Variants in ATP8A2 observed in about 807,000 individuals in gnomAD.
ATP8A2 encodes ATPase phospholipid transporting 8A2.
Under a neutral mutation model 165.6 loss-of-function variants are expected in ATP8A2, and 100 were observed. The ratio of observed to expected loss-of-function variants is 0.60; its 90% CI spans 0.51 to 0.71. ATP8A2 has a LOEUF of 0.71. ATP8A2 is among the 30% of genes least tolerant of loss of function. ATP8A2 has a pLI of 0.00. For missense variants in ATP8A2, 1,227 were observed against 1,479.5 expected, an observed-to-expected ratio of 0.83 and a Z score of 2.80; for synonymous variants, 543 against 548.8, an observed-to-expected ratio of 0.99 and a Z score of 0.15.
chr13:25,915,176 T>G (rs891877564), intron 33 of ATP8A2, among the ~76,000 whole-genome samples: 4 of 152,232 alleles, frequency 2.6e-5, no homozygotes, highest in Non-Finnish European at 5.9e-5. Context: ...GTGAAATTCT[T>G]CTTTATAGAA....
chr13:25,426,615 A>G (rs986106687), intron 1 of ATP8A2, among the ~76,000 whole-genome samples: 1 of 152,172 alleles, frequency 6.6e-6, no homozygotes, highest in African/African-American at 2.4e-5. Flanking sequence ...TACAACACAG[A>G]GTGAACCCTA....
chr13:25,768,853 C>T (rs2138287546), intron 25 of ATP8A2, among the ~76,000 whole-genome samples, 193 bp from the exon 26 acceptor site: 1 of 152,318 alleles, frequency 6.6e-6, no homozygotes, highest in East Asian at 1.9e-4. Context: ...TATATTTCAT[C>T]TGAGAAGTTG....
At chr13:25,540,437 A>G (rs755397779) in intron 8 of ATP8A2, 49 bp downstream of exon 8, 4 of 1,284,056 alleles carry the variant, frequency 3.1e-6, no homozygotes, top group Non-Finnish European at 4.6e-6. Context: ...CACAACTGCA[A>G]ATGTGGTCCC....
chr13:25,527,176 G>T (rs1428891739), intron 2 of ATP8A2, among the ~76,000 whole-genome samples: 1 of 152,042 alleles, frequency 6.6e-6, no homozygotes, highest in African/African-American at 2.4e-5. Flanking sequence ...CCACCATTTT[G>T]GAACCAGAAA....
chr13:25,560,700 CAAAAAA>C (rs748751011), intron 15 of ATP8A2, among the ~76,000 whole-genome samples: 3 of 63,292 alleles, frequency 4.7e-5, no homozygotes, highest in Admixed American at 2.0e-4. Context: ...ACTCTTGTCT[CAAAAAA>C]AAAAAAAAAA....
chr13:25,421,847 A>T (rs1215819776), intron 1 of ATP8A2, among the ~76,000 whole-genome samples: 1 of 152,238 alleles, frequency 6.6e-6, no homozygotes, highest in East Asian at 1.9e-4. Context: ...GCCAAATTCC[A>T]CGGCTTGGCA....
chr13:25,882,762 A>T (rs1189530298), intron 33 of ATP8A2, among the ~76,000 whole-genome samples: 1 of 152,176 alleles, frequency 6.6e-6, no homozygotes, highest in Non-Finnish European at 1.5e-5. Context: ...AATTCTAAAG[A>T]GATGTCTGTT....
intron 24 of ATP8A2, among the ~76,000 whole-genome samples, chr13:25,598,510 C>T (rs924715110): frequency 1.3e-4 from 20 of 152,124 alleles, no homozygotes; most frequent in Non-Finnish European, 1.9e-4. Flanking sequence ...TTACTTAGGT[C>T]TTTAAAATTA....
At chr13:25,699,468 A>G (rs2042906385) in intron 25 of ATP8A2, 123 bp downstream of exon 25, 1 of 739,576 alleles carries the variant, frequency 1.4e-6, no homozygotes, top group Non-Finnish European at 2.0e-6. Context: ...AGGCAAAACA[A>G]AAATACAAAT....
chr13:26,020,007 T>C lies in ATP8A2; in HGVS notation c.*22T>C. On this transcript the variant is annotated 3_prime_UTR_variant, in exon 37 of 37. Coordinates refer to ENST00000381655, the MANE Select transcript of ATP8A2 (RefSeq NM_016529.6). ...ATAAGACATGAATTTTCCTGACTGA[T>C]CTTAGGAAAGAGATTCAGTTTGTTG... 1 of 1,532,598 alleles carries C rather than the reference T, an allele frequency of 6.5e-7. No individual in the cohort carries two copies. Among genetic ancestry groups the C allele is most frequent in the Non-Finnish European group, 9.0e-7 (1 of 1,105,788 alleles). The allele number at this position is 1,532,598 out of a possible 1,614,324, so 94.9% of individuals were successfully genotyped here.
intron 2 of ATP8A2, among the ~76,000 whole-genome samples, chr13:25,475,670 A>C (rs764998470): frequency 4.6e-5 from 7 of 152,300 alleles, no homozygotes; most frequent in Middle Eastern, 3.4e-3. Context: ...CTGCAACCTC[A>C]CCAGCGTATG....
chr13:25,484,581 C>T (rs1322182863), intron 2 of ATP8A2, among the ~76,000 whole-genome samples: 1 of 152,064 alleles, frequency 6.6e-6, no homozygotes, highest in Non-Finnish European at 1.5e-5. Context: ...GTGGCGTGAT[C>T]TTGGCTTACT....
chr13:25,477,463 A>G (rs1238297452), intron 2 of ATP8A2, among the ~76,000 whole-genome samples: 1 of 152,138 alleles, frequency 6.6e-6, no homozygotes, highest in Non-Finnish European at 1.5e-5. Context: ...CTGGAACAGA[A>G]AAGACATTGG....
At chr13:25,408,358 A>G (rs562673616) in intron 1 of ATP8A2, among the ~76,000 whole-genome samples, 42 of 150,814 alleles carry the variant, frequency 2.8e-4, no homozygotes, top group African/African-American at 1.0e-3. Flanking sequence ...GTGCCACTGC[A>G]CTCCAGCCTG....
At chr13:25,611,459 A>G (rs1022432469) in intron 24 of ATP8A2, among the ~76,000 whole-genome samples, 2 of 152,052 alleles carry the variant, frequency 1.3e-5, no homozygotes, top group African/African-American at 4.8e-5. Flanking sequence ...ATTAACTTCC[A>G]TATGTAAAAT....
At chr13:25,803,700 T>A (rs909696826) in intron 27 of ATP8A2, among the ~76,000 whole-genome samples, 1 of 152,238 alleles carries the variant, frequency 6.6e-6, no homozygotes, top group Admixed American at 6.5e-5. Context: ...TACCATTACC[T>A]GAAGGCTTTC....
At chr13:26,004,499 A>AT (rs1956702435) in intron 35 of ATP8A2, among the ~76,000 whole-genome samples, 1 of 151,966 alleles carries the variant, frequency 6.6e-6, no homozygotes, top group South Asian at 2.1e-4. Context: ...GATACCTTAT[A>AT]TTACCCTCTT....
intron 35 of ATP8A2, among the ~76,000 whole-genome samples, chr13:26,008,272 T>C (rs1455103241): frequency 1.3e-5 from 2 of 152,070 alleles, no homozygotes; most frequent in East Asian, 1.9e-4. Context: ...TGAAAGAAGA[T>C]ACAGATATCA....
rs1229512645 is a variant in ATP8A2, at chr13:25,699,204, C to T, written c.2243C>T (p.Thr748Ile). Residue 748 changes from threonine to isoleucine, a missense_variant, in exon 25 of 37, where the codon ACT becomes ATT. Coordinates refer to ENST00000381655, the MANE Select transcript of ATP8A2 (RefSeq NM_016529.6). Reference protein sequence around the residue: ...ATRAAITQHCTDLGNLLGKEN... With the variant: ...ATRAAITQHCIDLGNLLGKEN... ...AGGGCAGCCATTACTCAGCACTGCA[C>T]TGACCTTGGGAATTTGCTGGGCAAG... The T allele has an allele frequency of 6.2e-7, 1 of 1,611,882 alleles. No individual in the cohort carries two copies. Among genetic ancestry groups the T allele is most frequent in the East Asian group, 2.2e-5 (1 of 44,858 alleles).
Sources: gnomAD v4.1 joint callset for allele counts (sites outside exome capture counted in the v4.1 genomes callset) on GRCh38, gnomAD v4.1.1 for gene constraint, MANE v1.5 for transcripts, NCBI Gene and HGNC (gene_info 2026-07-23, HGNC 2026-07-21) for gene names.